KCND3: variants seen among roughly 807,000 people sequenced by gnomAD.
KCND3 encodes A-type voltage-gated potassium channel KCND3.
KCND3 carries 9 observed loss-of-function variants against 51.1 expected under a neutral mutation model. That is an observed-to-expected ratio of 0.18 (90% CI 0.11 to 0.31). The LOEUF is 0.31. KCND3 is among the 10% of genes least tolerant of loss of function. The pLI is 1.00. For synonymous variants in KCND3, 349 were observed against 368.0 expected (o/e 0.95, Z 0.59); for missense variants, 526 against 903.8 (o/e 0.58, Z 5.36).
chr1:111,863,631 G>T (rs1281132671), intron 2 of KCND3, among the ~76,000 whole-genome samples: 2 of 152,236 alleles, frequency 1.3e-5, no homozygotes, highest in Non-Finnish European at 2.9e-5. Flanking sequence ...AATGAAGTAG[G>T]AGAGGCAGAG....
At chr1:111,818,040 GCACACA>G (rs59035556) in intron 2 of KCND3, among the ~76,000 whole-genome samples, 9,535 of 147,618 alleles carry the variant, frequency 0.065, 292 homozygotes, top group African/African-American at 0.083. Flanking sequence ...ACACGCGCGT[GCACACA>G]CACACACACA....
At chr1:111,949,386 G>C (rs1335868637) in intron 2 of KCND3, among the ~76,000 whole-genome samples, 1 of 152,198 alleles carries the variant, frequency 6.6e-6, no homozygotes, top group Admixed American at 6.5e-5. Context: ...GAGCAACCTA[G>C]GGCTGGATGC....
chr1:111,775,828 CCCT>C lies in KCND3; in HGVS notation c.*246_*248del. ...CCCCGGCCTATCCCCGACCCCCCCA[CCCT>C]CCCTCCCTTCCTCTGGCCCCAGTGA... On this transcript the variant is annotated 3_prime_UTR_variant, in exon 8 of 8. Transcript: ENST00000302127. 1 of 145,344 alleles carries C rather than the reference CCCT, an allele frequency of 6.9e-6. No individual in the cohort carries two copies. Among genetic ancestry groups the C allele is most frequent in the Non-Finnish European group, 1.5e-5 (1 of 67,504 alleles). The allele number at this position is 145,344 out of a possible 1,614,324, so 9.0% of individuals were successfully genotyped here.
Position 111,778,440 on chromosome 1 carries a change from ATGG to A in KCND3, c.1511_1513del (p.Thr504del). The A allele has an allele frequency of 6.2e-7, 1 of 1,613,586 alleles. No homozygotes were observed. The highest frequency in any genetic ancestry group is 8.5e-7 in the Non-Finnish European group (1 of 1,179,468). ...TGAATTTTTAAAAAGTTATACCTTG[ATGG>A]TGGAGGTTCGTACAGATAACAGGGG... is the stretch of plus-strand genomic sequence containing the variant. On this transcript the variant is annotated inframe_deletion, in exon 6 of 8. Transcript: ENST00000302127.
intron 2 of KCND3, among the ~76,000 whole-genome samples, chr1:111,854,435 C>G (rs891127904): frequency 7.2e-5 from 11 of 152,160 alleles, no homozygotes; most frequent in Admixed American, 1.3e-4. Context: ...CTCTTCTCCT[C>G]TGCTGTGGCT....
intron 2 of KCND3, among the ~76,000 whole-genome samples, chr1:111,804,021 T>C (rs1008914443): frequency 1.3e-5 from 2 of 152,186 alleles, no homozygotes; most frequent in Non-Finnish European, 2.9e-5. Flanking sequence ...CTTTTTATAA[T>C]AGCGCTTATA....
intron 2 of KCND3, among the ~76,000 whole-genome samples, chr1:111,800,989 T>A (rs1418031259): frequency 6.6e-6 from 1 of 152,254 alleles, no homozygotes; most frequent in African/African-American, 2.4e-5. Context: ...GCAGCACATG[T>A]GTCTGGTCAA....
chr1:111,812,899 A>G (rs145382569), intron 2 of KCND3, among the ~76,000 whole-genome samples: 51 of 152,308 alleles, frequency 3.3e-4, no homozygotes, highest in African/African-American at 1.2e-3. Flanking sequence ...GCATCCAGGA[A>G]GATGTTCTCC....
intron 2 of KCND3, among the ~76,000 whole-genome samples, chr1:111,935,400 C>T (rs1408071047): frequency 1.3e-5 from 2 of 152,116 alleles, no homozygotes; most frequent in Admixed American, 1.3e-4. Context: ...AGATAATTGA[C>T]TTGCCTGTTT....
chr1:111,912,609 T>C (rs1224189858), intron 2 of KCND3, among the ~76,000 whole-genome samples: 2 of 152,194 alleles, frequency 1.3e-5, no homozygotes, highest in African/African-American at 4.8e-5. Context: ...TCCATGCATG[T>C]TATTGCCCCA....
At chr1:111,964,710 G>A (rs1430854103) in intron 2 of KCND3, among the ~76,000 whole-genome samples, 2 of 152,182 alleles carry the variant, frequency 1.3e-5, no homozygotes, top group Non-Finnish European at 2.9e-5. Context: ...ATAGAATGGA[G>A]AACAGAACTA....
At chr1:111,859,558 C>T (rs552846) in intron 2 of KCND3, among the ~76,000 whole-genome samples, 3,577 of 152,256 alleles carry the variant, frequency 0.023, 134 homozygotes, top group African/African-American at 0.083. Flanking sequence ...TCTTTCAACT[C>T]TAGGCATTGT....
rs902558990 is a variant in KCND3, at chr1:111,963,280, G to A, written c.1106+18341C>T. Among the ~76,000 whole-genome samples the A allele has an allele frequency of 1.1e-4, 17 of 152,234 alleles. No homozygotes were observed. In the Middle Eastern group the frequency reaches 9.5e-3, roughly 85 times the overall value. The stretch of plus-strand genomic sequence containing the variant: ...CTAACTGATTCAGAGCCCCACAAAG[G>A]AATTGAAGAAGGAGCTAGAAAATAG... On this transcript the variant is annotated intron_variant, in intron 2 of 7. Coordinates refer to ENST00000302127, the MANE Select transcript of KCND3 (RefSeq NM_001378969.1).
intron 2 of KCND3, among the ~76,000 whole-genome samples, chr1:111,850,285 A>G (rs763776286): frequency 2.0e-5 from 3 of 152,150 alleles, no homozygotes; most frequent in Non-Finnish European, 2.9e-5. Context: ...AAATTGCCTG[A>G]GTGCTAAGAA....
chr1:111,903,689 G>C (rs961323846), intron 2 of KCND3, among the ~76,000 whole-genome samples: 1 of 152,234 alleles, frequency 6.6e-6, no homozygotes, highest in Non-Finnish European at 1.5e-5. Flanking sequence ...ACACTGACTG[G>C]CTGGGAGGGG....
At chr1:111,930,664 GAAA>G (rs34294424) in intron 2 of KCND3, among the ~76,000 whole-genome samples, 2 of 146,922 alleles carry the variant, frequency 1.4e-5, no homozygotes, top group Non-Finnish European at 3.0e-5. Context: ...CCCAAGTGTA[GAAA>G]AAAAAAAAGG....
chr1:111,780,828 C>A lies in KCND3; in HGVS notation c.1270-37G>T. On this transcript the variant is annotated intron_variant, in intron 3 of 7. Transcript: ENST00000302127. The surrounding 1 kb of genome is among the most constrained non-coding windows in gnomAD (Gnocchi z 4.2). ...AGAGATAATAAAAGAATGAGGCAGA[C>A]CATGATACAAAAAGACAGCAAGGCT... The A allele has an allele frequency of 6.5e-7, 1 of 1,545,098 alleles. No individual in the cohort carries two copies. Among genetic ancestry groups the A allele is most frequent in the Non-Finnish European group, 8.9e-7 (1 of 1,126,620 alleles).
chr1:111,985,011 T>C (rs890607367), intron 1 of KCND3, among the ~76,000 whole-genome samples: 7 of 152,176 alleles, frequency 4.6e-5, no homozygotes, highest in African/African-American at 1.7e-4. Flanking sequence ...GACTAACAAT[T>C]GAGCACTTAC....
At chr1:111,798,005 A>T (rs1665130910) in intron 2 of KCND3, among the ~76,000 whole-genome samples, 1 of 152,224 alleles carries the variant, frequency 6.6e-6, no homozygotes, top group African/African-American at 2.4e-5. Flanking sequence ...AGGCAATGAC[A>T]CTGGGGATGG....
Sources: allele counts gnomAD v4.1 joint callset (sites outside exome capture counted in the v4.1 genomes callset), GRCh38; gene constraint gnomAD v4.1.1; non-coding constraint Gnocchi (gnomAD v3.1); transcripts MANE v1.5; gene names NCBI Gene and HGNC (gene_info 2026-07-23, HGNC 2026-07-21).